The following TOP1 variants were observed in gnomAD, a reference collection of about 807,000 sequenced individuals.
The protein encoded by TOP1 is DNA topoisomerase I, also known as DNA topoisomerase 1.
A neutral mutation model predicts 111.1 loss-of-function variants in TOP1; 10 were observed. The ratio of observed to expected loss-of-function variants is 0.09; its 90% CI spans 0.06 to 0.15. The LOEUF is 0.15. Ranked by LOEUF, TOP1 falls within the 10% of genes least tolerant of loss-of-function variation. The pLI is 1.00. For synonymous variants in TOP1, 271 were observed against 302.9 expected (o/e 0.89, Z 1.10); for missense variants, 474 against 926.7 (o/e 0.51, Z 6.34).
chr20:41,062,332 A>T (rs781326017), intron 3 of TOP1, among the ~76,000 whole-genome samples: 4 of 152,230 alleles, frequency 2.6e-5, no homozygotes, highest in Non-Finnish European at 5.9e-5. Context: ...GATTGTCTGT[A>T]GACAAGTTAA....
chr20:41,111,100 A>G (rs2034231691), intron 13 of TOP1, among the ~76,000 whole-genome samples: 2 of 152,176 alleles, frequency 1.3e-5, no homozygotes, highest in South Asian at 4.1e-4. Flanking sequence ...TAAGGAACTG[A>G]GCAAACGTAA....
chr20:41,059,268 T>C (rs1025588721), intron 2 of TOP1, among the ~76,000 whole-genome samples: 1 of 151,730 alleles, frequency 6.6e-6, no homozygotes, highest in Non-Finnish European at 1.5e-5. Context: ...CAAACCTCCA[T>C]GACACGAGTT....
chr20:41,029,597 A>G lies in TOP1; in HGVS notation c.58+142A>G, dbSNP rs748702951. The G allele has an allele frequency of 2.3e-5, 17 of 724,584 alleles. No homozygotes were observed. The highest frequency in any genetic ancestry group is 5.4e-5 in the African/African-American group (3 of 55,946). 44.9% of individuals were successfully genotyped at this position (724,584 alleles called of 1,614,324 possible). A position where few individuals can be genotyped will look rare whatever the true frequency, so the allele number is the denominator to read the frequency against. On this transcript the variant is annotated intron_variant, in intron 2 of 20. Coordinates refer to ENST00000361337, the MANE Select transcript of TOP1 (RefSeq NM_003286.4). This position sits in a 1 kb window ranked among gnomAD's most constrained non-coding sequence, Gnocchi z 6.1. ...CTCGCTCACCGGCCCCATTGTTCCC[A>G]TCGGGCCGCCTCTTGACCCCCTTTC...
chr20:41,058,882 C>G lies in TOP1; in HGVS notation c.59-2512C>G, dbSNP rs1321786305. ...CCATCTTTTAAAAAATAATGCTAGG[C>G]TATTCACAGTAGCAGAAACATGGAA... is the stretch of plus-strand genomic sequence containing the variant. On this transcript the variant is annotated intron_variant, in intron 2 of 20. Coordinates refer to ENST00000361337, the MANE Select transcript of TOP1 (RefSeq NM_003286.4). The surrounding 1 kb of genome is among the most constrained non-coding windows in gnomAD (Gnocchi z 4.2). 6.6e-6 allele frequency among the ~76,000 whole-genome samples: 1 copy of G among 152,022 alleles called. No homozygotes were observed. Among genetic ancestry groups the G allele is most frequent in the East Asian group, 1.9e-4 (1 of 5,190 alleles).
At chr20:41,108,545 A>G (rs2034183641) in intron 13 of TOP1, among the ~76,000 whole-genome samples, 1 of 152,228 alleles carries the variant, frequency 6.6e-6, no homozygotes, top group Non-Finnish European at 1.5e-5. Flanking sequence ...GAACCACAAT[A>G]ACACTTGCTC....
At chr20:41,051,334 A>G (rs774730863) in intron 2 of TOP1, among the ~76,000 whole-genome samples, 1 of 152,176 alleles carries the variant, frequency 6.6e-6, no homozygotes, top group Non-Finnish European at 1.5e-5. Flanking sequence ...AGTCTCCTTT[A>G]TATCAGAAAG....
intron 2 of TOP1, among the ~76,000 whole-genome samples, chr20:41,049,753 G>A (rs2033379876): frequency 6.6e-6 from 1 of 152,178 alleles, no homozygotes; most frequent in African/African-American, 2.4e-5. Flanking sequence ...GTAAATACTT[G>A]AACAAATGAA....
At chr20:41,037,286 T>A (rs748854571) in intron 2 of TOP1, among the ~76,000 whole-genome samples, 1 of 152,230 alleles carries the variant, frequency 6.6e-6, no homozygotes, top group South Asian at 2.1e-4. Context: ...TAAAAATAAC[T>A]TGACCCTTTT....
At chr20:41,075,158 C>T (rs994664575) in intron 3 of TOP1, among the ~76,000 whole-genome samples, 7 of 151,924 alleles carry the variant, frequency 4.6e-5, no homozygotes, top group Non-Finnish European at 1.0e-4. Flanking sequence ...CCAAAATAAA[C>T]CTCTTTTTAA....
chr20:41,101,440 C>T lies in TOP1; in HGVS notation c.1308+87C>T. ...GTAACGTTCTCGTCCTCTAGAATCA[C>T]TTTGACAAATTAAAAATCCTCCCCA... On this transcript the variant is annotated intron_variant, in intron 13 of 20. Transcript: ENST00000361337. The surrounding 1 kb of genome is among the most constrained non-coding windows in gnomAD (Gnocchi z 4.1). 7.3e-7 allele frequency: 1 copy of T among 1,364,964 alleles called. No homozygotes were observed. Among genetic ancestry groups the T allele is most frequent in the Non-Finnish European group, 9.9e-7 (1 of 1,014,366 alleles). 84.6% of individuals were successfully genotyped at this position (1,364,964 alleles called of 1,614,324 possible).
At chr20:41,103,675 C>G (rs144361432) in intron 13 of TOP1, among the ~76,000 whole-genome samples, 274 of 152,072 alleles carry the variant, frequency 1.8e-3, no homozygotes, top group African/African-American at 6.4e-3. Flanking sequence ...AAATTAGTAC[C>G]TGAAGATCTG....
chr20:41,091,107 T>C (rs1424517509), intron 8 of TOP1, among the ~76,000 whole-genome samples: 1 of 152,260 alleles, frequency 6.6e-6, no homozygotes, highest in Non-Finnish European at 1.5e-5. Flanking sequence ...AGTAATACCA[T>C]TGTTACAATA....
rs927917494 is a variant in TOP1, at chr20:41,028,930, C to T, written c.-138C>T. ...TAGCAGCCTCAGCCGTTTCTGGAGTCTCGGGCCCACAGTCACCGCCGCTTA... is the reference window on the plus strand; with the variant it reads ...TAGCAGCCTCAGCCGTTTCTGGAGTTTCGGGCCCACAGTCACCGCCGCTTA... On this transcript the variant is annotated 5_prime_UTR_variant, in exon 1 of 21. Transcript: ENST00000361337. 5.8e-6 allele frequency: 4 copies of T among 686,736 alleles called. No homozygotes were observed. The highest frequency in any genetic ancestry group is 9.7e-6 in the Non-Finnish European group (4 of 410,926). The allele number at this position is 686,736 out of a possible 1,614,324, so 42.5% of individuals were successfully genotyped here.
In TOP1 at chr20:41,049,615, TACTC is replaced by T. The variant is rs966992230; in HGVS notation, c.59-11777_59-11774del. On this transcript the variant is annotated intron_variant, in intron 2 of 20. Coordinates refer to ENST00000361337, the MANE Select transcript of TOP1 (RefSeq NM_003286.4). ...CCCTTTCCCTCTCCCTTTTCAAAGT[TACTC>T]AGTCAGCAGCTGCTACTGTTGGGAT... is the stretch of plus-strand genomic sequence containing the variant. Among the ~76,000 whole-genome samples, 41 of 152,318 alleles carry T rather than the reference TACTC, an allele frequency of 2.7e-4. 1 individual carries two copies. Among genetic ancestry groups the T allele is most frequent in the African/African-American group, 9.4e-4 (39 of 41,562 alleles).
At chr20:41,086,746 TTAAC>T (rs2033853968) in intron 8 of TOP1, among the ~76,000 whole-genome samples, 1 of 152,250 alleles carries the variant, frequency 6.6e-6, no homozygotes, top group Non-Finnish European at 1.5e-5. Flanking sequence ...TGGCTAGTCT[TTAAC>T]TAAAAGTTGT....
At chr20:41,037,579 T>C (rs2033204850) in intron 2 of TOP1, among the ~76,000 whole-genome samples, 2 of 152,352 alleles carry the variant, frequency 1.3e-5, no homozygotes, top group South Asian at 4.1e-4. Flanking sequence ...TGTGAGAATT[T>C]AGTACCAAAT....
Position 41,106,859 on chromosome 20 carries a change from T to C in TOP1, c.1308+5506T>C, listed in dbSNP as rs1357639938. Among the ~76,000 whole-genome samples, 1 of 152,182 alleles carries C rather than the reference T, an allele frequency of 6.6e-6. No individual in the cohort carries two copies. Among genetic ancestry groups the C allele is most frequent in the Admixed American group, 6.5e-5 (1 of 15,278 alleles). On this transcript the variant is annotated intron_variant, in intron 13 of 20. Transcript: ENST00000361337. The surrounding 1 kb of genome is among the most constrained non-coding windows in gnomAD (Gnocchi z 4.3). Reference sequence around the variant, plus strand: ...ATTTAATTATCTATAAAAACAGTTCTTCATTTTCAGTTCATATATTTCATA... The same window carrying C: ...ATTTAATTATCTATAAAAACAGTTCCTCATTTTCAGTTCATATATTTCATA...
rs34731706 is a variant in TOP1 at position 41,033,347 on chromosome 20, CAA to C, written c.58+3911_58+3912del. On this transcript the variant is annotated intron_variant, in intron 2 of 20. Coordinates refer to ENST00000361337, the MANE Select transcript of TOP1 (RefSeq NM_003286.4). The stretch of plus-strand genomic sequence containing the variant: ...CAAATCTCATTTTAACCAATAGCAG[CAA>C]AAAAAAAAAAAAAAAAAAGGAATTG... Among the ~76,000 whole-genome samples the C allele has an allele frequency of 3.3e-3, 335 of 100,832 alleles. 1 individual carries two copies. The highest frequency in any genetic ancestry group is 0.018 in the South Asian group (53 of 2,920). The allele number at this position is 100,832 out of a possible 152,430, so 66.1% of individuals were successfully genotyped here. A position where few individuals can be genotyped will look rare whatever the true frequency, so the allele number is the denominator to read the frequency against.
In TOP1 at chr20:41,094,252, A is replaced by G. The variant is rs1600585440; in HGVS notation, c.730+1665A>G. On this transcript the variant is annotated intron_variant, in intron 9 of 20. Coordinates refer to ENST00000361337, the MANE Select transcript of TOP1 (RefSeq NM_003286.4). The surrounding 1 kb of genome is among the most constrained non-coding windows in gnomAD (Gnocchi z 4.4). ...TGACCTGTTGACCAGAGAGCCTAAGACAGTTCTTTCAGCCCTCACGCTGGT... is the reference window on the plus strand; with the variant it reads ...TGACCTGTTGACCAGAGAGCCTAAGGCAGTTCTTTCAGCCCTCACGCTGGT... 6.6e-6 allele frequency among the ~76,000 whole-genome samples: 1 copy of G among 152,240 alleles called. No homozygotes were observed. Among genetic ancestry groups the G allele is most frequent in the East Asian group, 1.9e-4 (1 of 5,184 alleles).
Sources: allele counts gnomAD v4.1 joint callset (sites outside exome capture counted in the v4.1 genomes callset), GRCh38; gene constraint gnomAD v4.1.1; non-coding constraint Gnocchi (gnomAD v3.1); transcripts MANE v1.5; gene names NCBI Gene and HGNC (gene_info 2026-07-23, HGNC 2026-07-21).